The following SH3GL2 variants were observed in gnomAD, a reference collection of about 807,000 sequenced individuals.
SH3GL2 encodes SH3 domain containing GRB2 like 2, endophilin A1.
Under a neutral mutation model 46.0 loss-of-function variants are expected in SH3GL2, and 24 were observed. The observed-to-expected ratio is 0.52, with a 90% confidence interval of 0.38 to 0.73. The LOEUF (loss-of-function observed/expected upper bound fraction) is 0.73. SH3GL2 is among the 30% of genes least tolerant of loss of function. The pLI, the probability that SH3GL2 is intolerant of heterozygous loss-of-function variation, is 0.00. For synonymous variants in SH3GL2, 196 were observed against 147.1 expected, an observed-to-expected ratio of 1.33 and a Z score of -2.40; for missense variants, 413 against 424.2, an observed-to-expected ratio of 0.97 and a Z score of 0.23.
chr9:17,750,176 C>T (rs1057352933), intron 2 of SH3GL2, among the ~76,000 whole-genome samples: 4 of 152,062 alleles, frequency 2.6e-5, no homozygotes, highest in African/African-American at 7.2e-5. Context: ...AATCTTTTCT[C>T]GCCTGTTAAT....
intron 3 of SH3GL2, among the ~76,000 whole-genome samples, chr9:17,769,370 T>G (rs925448707): frequency 2.0e-5 from 3 of 152,214 alleles, no homozygotes; most frequent in African/African-American, 7.2e-5. Context: ...TTCACTATAC[T>G]GCCTTTTTCC....
At chr9:17,647,933 C>G (rs569307936) in intron 1 of SH3GL2, among the ~76,000 whole-genome samples, 2 of 152,142 alleles carry the variant, frequency 1.3e-5, no homozygotes, top group Non-Finnish European at 2.9e-5. Context: ...CCTCTTCCAC[C>G]TCAGCCTACT....
At chr9:17,678,212 T>C (rs1032444864) in intron 1 of SH3GL2, among the ~76,000 whole-genome samples, 16 of 152,022 alleles carry the variant, frequency 1.1e-4, no homozygotes, top group African/African-American at 3.4e-4. Flanking sequence ...ATCGCCACAC[T>C]GACTTCCACA....
intron 2 of SH3GL2, among the ~76,000 whole-genome samples, chr9:17,749,765 A>C (rs1822792544): frequency 6.6e-6 from 1 of 152,234 alleles, no homozygotes; most frequent in Non-Finnish European, 1.5e-5. Flanking sequence ...CAGTTTTGCA[A>C]AGTAATTGAA....
intron 3 of SH3GL2, among the ~76,000 whole-genome samples, chr9:17,771,749 A>G (rs1823486631): frequency 6.6e-6 from 1 of 152,140 alleles, no homozygotes; most frequent in Non-Finnish European, 1.5e-5. Flanking sequence ...ACTGTGTACT[A>G]CAGCACAGGG....
intron 1 of SH3GL2, among the ~76,000 whole-genome samples, chr9:17,664,805 T>C (rs1328925137): frequency 6.6e-6 from 1 of 151,914 alleles, no homozygotes; most frequent in East Asian, 1.9e-4. Flanking sequence ...CTAGCCCTTC[T>C]TTTTTCCCCT....
intron 1 of SH3GL2, among the ~76,000 whole-genome samples, chr9:17,721,840 G>C (rs1821901348): frequency 6.6e-6 from 1 of 152,004 alleles, no homozygotes; most frequent in Non-Finnish European, 1.5e-5. Flanking sequence ...TTATCTGTAT[G>C]TGTATATCTC....
intron 3 of SH3GL2, 128 bp downstream of exon 3, chr9:17,761,637 T>G: frequency 1.3e-6 from 1 of 771,640 alleles, no homozygotes; most frequent in Non-Finnish European, 2.4e-6. Context: ...TCTGAGAGGT[T>G]AGCGACTTCA....
At chr9:17,602,605 G>A (rs769428854) in intron 1 of SH3GL2, among the ~76,000 whole-genome samples, 5 of 152,208 alleles carry the variant, frequency 3.3e-5, no homozygotes, top group Non-Finnish European at 7.4e-5. Flanking sequence ...AGACCTGGCA[G>A]TATAAAAAAA....
intron 6 of SH3GL2, 37 bp downstream of exon 6, chr9:17,789,587 A>C (rs774573126): frequency 6.2e-7 from 1 of 1,609,998 alleles, no homozygotes; most frequent in Non-Finnish European, 8.5e-7. Flanking sequence ...TAATCTTATC[A>C]TCGAGGCACA....
chr9:17,696,943 A>AATC lies in SH3GL2; in HGVS notation c.46-50122_46-50121insTCA, dbSNP rs1355446703. On this transcript the variant is annotated intron_variant, in intron 1 of 8. Transcript: ENST00000380607. ...TGTTCTTATTTTAGAGTGACTTTTA[A>AATC]AGACTGAACATGCAGAAGCCTCATT... Among the ~76,000 whole-genome samples, 289 of 152,210 alleles carry AATC rather than the reference A, an allele frequency of 1.9e-3. 1 individual carries two copies. Among genetic ancestry groups the AATC allele is most frequent in the Non-Finnish European group, 1.3e-3 (86 of 68,012 alleles).
chr9:17,708,437 A>T (rs903322859), intron 1 of SH3GL2, among the ~76,000 whole-genome samples: 1 of 152,056 alleles, frequency 6.6e-6, no homozygotes. Flanking sequence ...CCCAGAGTAG[A>T]GCAATTCCAG....
chr9:17,689,358 C>T (rs1375951485), intron 1 of SH3GL2, among the ~76,000 whole-genome samples: 2 of 151,950 alleles, frequency 1.3e-5, no homozygotes, highest in Non-Finnish European at 2.9e-5. Context: ...AAAAAAATGG[C>T]CACTAGGTAA....
At chr9:17,743,356 A>AT (rs1822584018) in intron 1 of SH3GL2, among the ~76,000 whole-genome samples, 1 of 152,064 alleles carries the variant, frequency 6.6e-6, no homozygotes, top group Non-Finnish European at 1.5e-5. Context: ...TACGTAAGAA[A>AT]TTTTTTATAT....
Position 17,791,306 on chromosome 9 carries a change from C to T in SH3GL2, c.700C>T (p.Gln234Ter). 1 of 1,612,702 alleles carries T rather than the reference C, an allele frequency of 6.2e-7. No homozygotes were observed. Among genetic ancestry groups the T allele is most frequent in the African/African-American group, 1.3e-5 (1 of 75,014 alleles). Residue 234 changes from glutamine (Q) to a stop codon, truncating the protein, a stop_gained, in exon 7 of 9, where the codon CAG becomes TAG. Transcript: ENST00000380607. LOFTEE classifies it high-confidence loss of function. ...EYHKQAVQIL[Q>*]QVTVRLEERI... Reference sequence around the variant, plus strand: ...CCACAAGCAGGCAGTCCAGATCCTGCAGCAAGTCACGGTCAGACTGGAAGA... The same window carrying T: ...CCACAAGCAGGCAGTCCAGATCCTGTAGCAAGTCACGGTCAGACTGGAAGA...
chr9:17,631,374 A>G (rs1427797161), intron 1 of SH3GL2, among the ~76,000 whole-genome samples: 2 of 152,202 alleles, frequency 1.3e-5, no homozygotes, highest in African/African-American at 4.8e-5. Context: ...CCTCTTGCTC[A>G]GGCATAGGGC....
intron 2 of SH3GL2, among the ~76,000 whole-genome samples, chr9:17,760,711 A>G (rs1823144994): frequency 6.6e-6 from 1 of 152,206 alleles, no homozygotes; most frequent in African/African-American, 2.4e-5. Flanking sequence ...GTCATTTACC[A>G]TGTAGGGCGA....
At chr9:17,706,850 G>C (rs1016032748) in intron 1 of SH3GL2, among the ~76,000 whole-genome samples, 2 of 151,986 alleles carry the variant, frequency 1.3e-5, no homozygotes, top group Non-Finnish European at 1.5e-5. Flanking sequence ...ACGTAGGAGA[G>C]TCAGGAGAGG....
intron 3 of SH3GL2, among the ~76,000 whole-genome samples, chr9:17,776,705 T>TA (rs927975199): frequency 6.6e-6 from 1 of 150,924 alleles, no homozygotes; most frequent in African/African-American, 2.4e-5. Context: ...TGATAATACT[T>TA]ACCTGGCCAC....
Sources: gnomAD v4.1 joint callset for allele counts (sites outside exome capture counted in the v4.1 genomes callset) on GRCh38, gnomAD v4.1.1 for gene constraint, MANE v1.5 for transcripts, NCBI Gene and HGNC (gene_info 2026-07-23, HGNC 2026-07-21) for gene names.